Variants in RBFOX1 observed in about 807,000 individuals in gnomAD.
RBFOX1 encodes the protein RNA binding fox-1 homolog 1.
RBFOX1 carries 8 observed loss-of-function variants against 57.7 expected under a neutral mutation model. The observed-to-expected ratio is 0.14, with a 90% confidence interval of 0.08 to 0.25. The LOEUF (loss-of-function observed/expected upper bound fraction) is 0.25, where lower values mean the gene tolerates loss of function less well. Among genes scored for constraint, RBFOX1 ranks in the 10% least tolerant of loss-of-function variants. The pLI is 1.00. For synonymous variants in RBFOX1, 326 were observed against 222.4 expected (o/e 1.47, Z -4.15); for missense variants, 611 against 548.5 (o/e 1.11, Z -1.14).
intron 4 of RBFOX1, among the ~76,000 whole-genome samples, chr16:5,990,413 G>A (rs148533909): frequency 7.9e-5 from 12 of 152,308 alleles, no homozygotes; most frequent in African/African-American, 2.4e-4. Context: ...TTTCAAGTAC[G>A]TGTTATGACC....
chr16:5,657,653 TTTTC>T (rs1208864519), intron 3 of RBFOX1, among the ~76,000 whole-genome samples: 2 of 131,740 alleles, frequency 1.5e-5, no homozygotes, highest in Non-Finnish European at 3.2e-5. Context: ...TCTTTCTTTC[TTTTC>T]TTTTCTTTCT....
At chr16:7,310,823 A>G (rs984833934) in intron 4 of RBFOX1, among the ~76,000 whole-genome samples, 16 of 152,292 alleles carry the variant, frequency 1.1e-4, no homozygotes, top group Middle Eastern at 3.4e-3. Flanking sequence ...TGATAGGTTT[A>G]TGGAACTCCA....
At chr16:6,918,527 C>A (rs1032103959) in intron 3 of RBFOX1, among the ~76,000 whole-genome samples, 4 of 152,124 alleles carry the variant, frequency 2.6e-5, no homozygotes, top group African/African-American at 7.2e-5. Context: ...TCATAACTTT[C>A]ATGTTGCAAT....
intron 4 of RBFOX1, among the ~76,000 whole-genome samples, chr16:7,078,500 A>G (rs539805934): frequency 2.6e-5 from 4 of 151,894 alleles, no homozygotes; most frequent in African/African-American, 9.7e-5. Context: ...GGTGCCTGCC[A>G]TCACGCCTGG....
In RBFOX1 at chr16:7,713,135, ATAAC is replaced by A. The variant is rs1437010869; in HGVS notation, c.*2393_*2396del. The A allele has an allele frequency of 6.6e-6, 1 of 152,208 alleles. No individual in the cohort carries two copies. The highest frequency in any genetic ancestry group is 2.4e-5 in the African/African-American group (1 of 41,462). 9.4% of individuals were successfully genotyped at this position (152,208 alleles called of 1,614,324 possible). A position where few individuals can be genotyped will look rare whatever the true frequency, so the allele number is the denominator to read the frequency against. On this transcript the variant is annotated 3_prime_UTR_variant, in exon 16 of 16. Coordinates refer to ENST00000550418, the MANE Select transcript of RBFOX1 (RefSeq NM_018723.4). ...ATTTGGAATGTTTTCATTTATCTAA[ATAAC>A]TATTGCTATTATGAATTATGGAAAA...
intron 2 of RBFOX1, among the ~76,000 whole-genome samples, chr16:5,512,434 G>T: frequency 6.7e-6 from 1 of 148,458 alleles, no homozygotes; most frequent in Admixed American, 6.7e-5. Flanking sequence ...CTCTCTCTCT[G>T]TCTCTCTCTC....
chr16:6,127,521 G>C (rs1159216749), intron 1 of RBFOX1, among the ~76,000 whole-genome samples: 4 of 152,182 alleles, frequency 2.6e-5, no homozygotes, highest in African/African-American at 9.7e-5. Context: ...AATTCCGAAA[G>C]TGAGAATTAA....
At chr16:5,865,754 C>G (rs144951051) in intron 3 of RBFOX1, among the ~76,000 whole-genome samples, 29 of 152,260 alleles carry the variant, frequency 1.9e-4, no homozygotes, top group African/African-American at 6.7e-4. Flanking sequence ...GCAGCTTAAC[C>G]AACAGGAATA....
chr16:5,974,816 C>G (rs908231923), intron 4 of RBFOX1, among the ~76,000 whole-genome samples: 3 of 152,160 alleles, frequency 2.0e-5, no homozygotes, highest in African/African-American at 7.2e-5. Flanking sequence ...CCAGACCAGC[C>G]TGACCAACAT....
intron 3 of RBFOX1, among the ~76,000 whole-genome samples, chr16:6,770,962 T>A (rs1428477001): frequency 2.0e-5 from 3 of 152,126 alleles, no homozygotes; most frequent in African/African-American, 7.2e-5. Flanking sequence ...CTACCCCCGA[T>A]TCAAATGCTC....
chr16:6,572,666 C>G (rs1263693908), intron 2 of RBFOX1, among the ~76,000 whole-genome samples: 1 of 151,982 alleles, frequency 6.6e-6, no homozygotes, highest in African/African-American at 2.4e-5. Flanking sequence ...TATCTCAGCT[C>G]ACCGCAACCT....
intron 2 of RBFOX1, among the ~76,000 whole-genome samples, chr16:6,441,342 C>A (rs1397924617): frequency 2.0e-5 from 3 of 152,140 alleles, no homozygotes; most frequent in Non-Finnish European, 4.4e-5. Context: ...CCCCTAAAGT[C>A]CTCTGCTAGA....
intron 1 of RBFOX1, among the ~76,000 whole-genome samples, chr16:6,162,050 G>C (rs185452567): frequency 7.7e-4 from 118 of 152,334 alleles, no homozygotes; most frequent in Non-Finnish European, 1.3e-3. Context: ...TTATAGGAAA[G>C]AAAACGCCTT....
At chr16:7,613,221 G>A (rs73488697) in intron 10 of RBFOX1, among the ~76,000 whole-genome samples, 1,737 of 152,234 alleles carry the variant, frequency 0.011, 32 homozygotes, top group South Asian at 0.098. Flanking sequence ...GATTCTGAAT[G>A]GATACTCCTG....
At chr16:7,488,905 A>T (rs373914526) in intron 4 of RBFOX1, among the ~76,000 whole-genome samples, 1 of 152,174 alleles carries the variant, frequency 6.6e-6, no homozygotes, top group East Asian at 1.9e-4. Flanking sequence ...ATGTTTGTCT[A>T]TACGTTCATC....
intron 2 of RBFOX1, among the ~76,000 whole-genome samples, chr16:6,390,564 A>G (rs1279098700): frequency 7.9e-5 from 12 of 152,080 alleles, no homozygotes; most frequent in Admixed American, 7.2e-4. Flanking sequence ...GAAAAAAAAA[A>G]GCATGGAAGA....
chr16:6,022,189 C>T (rs184000127), intron 1 of RBFOX1, among the ~76,000 whole-genome samples: 7 of 151,902 alleles, frequency 4.6e-5, no homozygotes, highest in African/African-American at 1.7e-4. Context: ...TACATTTCTT[C>T]TGACCCACTG....
At chr16:7,113,611 A>G (rs898955025) in intron 4 of RBFOX1, among the ~76,000 whole-genome samples, 1 of 152,230 alleles carries the variant, frequency 6.6e-6, no homozygotes, top group Non-Finnish European at 1.5e-5. Context: ...TTATGTTAGC[A>G]TAGAGTGCAA....
At chr16:5,692,876 G>C (rs973856246) in intron 3 of RBFOX1, among the ~76,000 whole-genome samples, 3 of 152,188 alleles carry the variant, frequency 2.0e-5, no homozygotes, top group African/African-American at 7.2e-5. Flanking sequence ...GAACAAAGAG[G>C]TATCAAAGGT....
Sources: allele counts gnomAD v4.1 joint callset (sites outside exome capture counted in the v4.1 genomes callset), GRCh38; gene constraint gnomAD v4.1.1; transcripts MANE v1.5; gene names NCBI Gene and HGNC (gene_info 2026-07-23, HGNC 2026-07-21).